The following DDX3X variants were observed in gnomAD, a reference collection of about 807,000 sequenced individuals.
DDX3X encodes DEAD-box helicase 3 X-linked, also known as ATP-dependent RNA helicase DDX3X.
DDX3X carries 4 observed loss-of-function variants against 52.7 expected under a neutral mutation model. The ratio of observed to expected loss-of-function variants is 0.08; its 90% CI spans 0.04 to 0.17. The LOEUF (loss-of-function observed/expected upper bound fraction) is 0.17. Ranked by LOEUF, DDX3X falls within the 10% of genes least tolerant of loss-of-function variation. DDX3X has a pLI of 1.00. For missense variants in DDX3X, 222 were observed against 548.6 expected (o/e 0.40, Z 5.95); for synonymous variants, 192 against 178.1 (o/e 1.08, Z -0.62).
At chrX:41,347,502 A>G (rs200855552) in intron 16 of DDX3X, 51 bp downstream of exon 16, 7 of 1,190,283 alleles carry the variant, frequency 5.9e-6, no homozygotes, top group Non-Finnish European at 6.8e-6. Context: ...TTTTCCTTTT[A>G]GTCATCTTTT....
intron 3 of DDX3X, chrX:41,340,854 A>G (rs774103066): frequency 3.0e-4 from 89 of 294,940 alleles, no homozygotes; most frequent in Non-Finnish European, 4.6e-4. Context: ...CACCTATAAA[A>G]TGAATGGAAA....
At chrX:41,353,805 TACACACAC>T (rs751213463), downstream of DDX3X, among the ~76,000 whole-genome samples, 1 of 101,605 alleles carries the variant, frequency 9.8e-6, no homozygotes, top group Non-Finnish European at 2.0e-5. Context: ...TACACACGCA[TACACACAC>T]ACACACACAC....
rs780901915 is a variant in DDX3X at position 41,356,462 on chromosome X, T to C, written c.655-7812T>C. ...TCGCCTGGCCAGTATTTCTTTTTTTTTTTTTTTTTTTTTTTGAGACGGAGT... is the reference window on the plus strand; with the variant it reads ...TCGCCTGGCCAGTATTTCTTTTTTTCTTTTTTTTTTTTTTTGAGACGGAGT... On this transcript the variant is annotated intron_variant, in intron 5 of 5. Transcript: ENST00000616050. Among the ~76,000 whole-genome samples, 345 of 89,624 alleles carry C rather than the reference T, an allele frequency of 3.8e-3. 2 individuals are homozygous for C. The highest frequency in any genetic ancestry group is 0.013 in the African/African-American group (314 of 23,589). 77.8% of individuals were successfully genotyped at this position (89,624 alleles called of 115,157 possible).
intron 5 of DDX3X, among the ~76,000 whole-genome samples, chrX:41,355,319 A>C (rs1232509113): frequency 9.0e-6 from 1 of 111,564 alleles, no homozygotes; most frequent in Non-Finnish European, 1.9e-5. Flanking sequence ...CAGGAGTACA[A>C]TTGCTGGCTC....
intron 10 of DDX3X, among the ~76,000 whole-genome samples, chrX:41,344,858 C>T (rs768712986): frequency 8.9e-5 from 10 of 112,039 alleles, no homozygotes; most frequent in African/African-American, 2.9e-4. Flanking sequence ...AGACATCTAA[C>T]TTTCACAAAA....
upstream of DDX3X, chrX:41,334,003 G>A (rs1161117176): frequency 1.0e-5 from 4 of 385,503 alleles, no homozygotes; most frequent in South Asian, 1.9e-4. Flanking sequence ...GGACTAAGTA[G>A]GAAATCCCTT....
chrX:41,341,577 C>G lies in DDX3X; in HGVS notation c.245C>G (p.Ser82Cys). 5 of 1,210,745 alleles carry G rather than the reference C, an allele frequency of 4.1e-6. No individual in the cohort carries two copies. Among genetic ancestry groups the G allele is most frequent in the Non-Finnish European group, 5.6e-6 (5 of 894,804 alleles). ...TCTCGTAGTGATTCAAGAGGGAAGT[C>G]TAGCTTCTTCAGTGATCGTGGAAGT... ...FGSRSDSRGK[S>C]SFFSDRGSGS... Residue 82 changes from serine (S) to cysteine (C), a missense_variant, in exon 4 of 17, where the codon TCT (serine) becomes TGT (cysteine). Around this residue, in one of 5 missense-constraint regions of DDX3X, gnomAD observed 93 missense variants for 123.7 expected, o/e 0.75. Coordinates refer to ENST00000644876, the MANE Select transcript of DDX3X (RefSeq NM_001356.5).
Position 41,345,385 on chromosome X carries a change from A to G in DDX3X, c.1171-19A>G, listed in dbSNP as rs1489278639. The G allele has an allele frequency of 2.5e-6, 3 of 1,195,141 alleles. No individual in the cohort carries two copies. The highest frequency in any genetic ancestry group is 3.6e-5 in the African/African-American group (2 of 55,991). ...AATTTGTTTATCTCAGGTAATAATA[A>G]AAATTTTTTTTCTTTCAGATGCTGG... On this transcript the variant is annotated intron_variant, in intron 11 of 16. Transcript: ENST00000644876.
Position 41,334,245 on chromosome X carries a change from C to G in DDX3X, c.-8C>G. Reference sequence around the variant, plus strand: ...CGGAAGACTCCGAGTTCTCGGTACTCTTCAGGGATGAGTCATGTGGCAGTG... The same window carrying G: ...CGGAAGACTCCGAGTTCTCGGTACTGTTCAGGGATGAGTCATGTGGCAGTG... On this transcript the variant is annotated 5_prime_UTR_variant, in exon 1 of 17. Transcript: ENST00000644876. 3 of 1,210,354 alleles carry G rather than the reference C, an allele frequency of 2.5e-6. No individual in the cohort carries two copies. Among genetic ancestry groups the G allele is most frequent in the Non-Finnish European group, 3.4e-6 (3 of 894,366 alleles).
intron 1 of DDX3X, chrX:41,334,728 G>A (rs1480037799): frequency 3.1e-6 from 3 of 983,178 alleles, no homozygotes; most frequent in African/African-American, 3.9e-5. Flanking sequence ...CCCGTCCGGA[G>A]GACCTGGCGG....
intron 12 of DDX3X, 119 bp downstream of exon 12, chrX:41,345,667 C>A: frequency 1.5e-6 from 1 of 657,897 alleles, no homozygotes; most frequent in Non-Finnish European, 2.3e-6. Context: ...GAGTATTTGA[C>A]CTGCTCTGTT....
intron 1 of DDX3X, 31 bp from the exon 2 acceptor site, chrX:41,337,377 A>G: frequency 1.7e-6 from 2 of 1,176,084 alleles, no homozygotes; most frequent in Non-Finnish European, 2.3e-6. Flanking sequence ...ATTTGAGCAC[A>G]TGGGGTGCTA....
At chrX:41,336,097 A>G (rs1191499786) in intron 1 of DDX3X, 1 of 112,096 alleles carries the variant, frequency 8.9e-6, no homozygotes, top group Non-Finnish European at 1.9e-5. Flanking sequence ...CAGTGACTCC[A>G]TTGATGATGC....
In DDX3X at chrX:41,345,560, A is replaced by T. The variant is rs1472958950; in HGVS notation, c.1315+12A>T. On this transcript the variant is annotated intron_variant, in intron 12 of 16. Coordinates refer to ENST00000644876, the MANE Select transcript of DDX3X (RefSeq NM_001356.5). ...CCTAAATGCAACAGGTAACATTATG[A>T]ATTTTTTATTTTATTAGACATGGGG... 1.7e-6 allele frequency: 2 copies of T among 1,183,587 alleles called. No homozygotes were observed. The highest frequency in any genetic ancestry group is 2.3e-6 in the Non-Finnish European group (2 of 879,888).
intron 12 of DDX3X, 25 bp downstream of exon 12, chrX:41,345,573 A>G: frequency 8.6e-7 from 1 of 1,161,514 alleles, no homozygotes. Flanking sequence ...TTTTTATTTT[A>G]TTAGACATGG....
downstream of DDX3X, chrX:41,351,181 A>G (rs866001891): frequency 8.9e-6 from 1 of 111,852 alleles, no homozygotes; most frequent in Non-Finnish European, 1.9e-5. Context: ...AGGAGAGTTC[A>G]GTTTCCACTT....
intron 2 of DDX3X, 185 bp from the exon 3 acceptor site, chrX:41,338,851 C>T (rs2063807566): frequency 6.1e-6 from 1 of 163,857 alleles, no homozygotes. Flanking sequence ...TCAGAGTTCT[C>T]CTTATGAAGC....
At chrX:41,350,640 G>C (rs1247135172), downstream of DDX3X, 2 of 111,196 alleles carry the variant, frequency 1.8e-5, no homozygotes, top group Middle Eastern at 4.7e-3. Flanking sequence ...AGACTATTTG[G>C]GCCAGGTGTG....
downstream of DDX3X, chrX:41,351,125 T>G (rs776943965): frequency 9.0e-6 from 1 of 111,666 alleles, no homozygotes; most frequent in South Asian, 3.7e-4. Context: ...ATTGCTAGAT[T>G]GGATAGTCAA....
Sources: allele counts gnomAD v4.1 joint callset (sites outside exome capture counted in the v4.1 genomes callset), GRCh38; gene constraint gnomAD v4.1.1; regional missense constraint gnomAD v4.1.1; transcripts MANE v1.5; gene names NCBI Gene and HGNC (gene_info 2026-07-23, HGNC 2026-07-21).